SLC11A2: variants seen among roughly 807,000 people sequenced by gnomAD.
The protein encoded by SLC11A2 is solute carrier family 11 member 2.
A neutral mutation model predicts 68.0 loss-of-function variants in SLC11A2; 38 were observed. The ratio of observed to expected loss-of-function variants is 0.56; its 90% CI spans 0.43 to 0.73. The LOEUF (loss-of-function observed/expected upper bound fraction) is 0.73, where lower values mean the gene tolerates loss of function less well. Ranked by LOEUF, SLC11A2 falls within the 30% of genes least tolerant of loss-of-function variation. The probability of loss-of-function intolerance (pLI) is 0.00; values close to 1 mark genes in which losing one functional copy is unlikely to be tolerated. For synonymous variants in SLC11A2, 242 were observed against 250.6 expected, an observed-to-expected ratio of 0.97 and a Z score of 0.32; for missense variants, 517 against 690.5, an observed-to-expected ratio of 0.75 and a Z score of 2.82.
chr12:51,019,894 C>G (rs1282930506), intron 1 of SLC11A2, among the ~76,000 whole-genome samples: 1 of 152,032 alleles, frequency 6.6e-6, no homozygotes, highest in Non-Finnish European at 1.5e-5. Flanking sequence ...ATCCATCCAC[C>G]TCAGCCTTCC....
At chr12:50,965,847 T>C in the SLC11A2 span, among the ~76,000 whole-genome samples, 1 of 152,210 alleles carries the variant, frequency 6.6e-6, no homozygotes, top group Non-Finnish European at 1.5e-5. Flanking sequence ...GAACATGGTC[T>C]TTCCTTAAGG....
chr12:51,027,916 G>A (rs893005884), upstream of SLC11A2, among the ~76,000 whole-genome samples: 1 of 4,978 alleles, frequency 2.0e-4, no homozygotes, highest in East Asian at 5.4e-3. Flanking sequence ...CCAAAAAAAA[G>A]TGGGGGGGGG....
intron 3 of SLC11A2, 179 bp downstream of exon 3, chr12:51,008,297 G>T: frequency 1.8e-6 from 1 of 567,684 alleles, no homozygotes; most frequent in South Asian, 1.9e-5. Context: ...GATAGATATA[G>T]ATGGGGTGTG....
chr12:50,972,932 C>T, the SLC11A2 span, among the ~76,000 whole-genome samples: 10 of 152,312 alleles, frequency 6.6e-5, no homozygotes, highest in South Asian at 2.1e-4. Flanking sequence ...AACGTGGCAG[C>T]GAGGCTGGGG....
At chr12:51,010,806 CA>C in intron 1 of SLC11A2, 40 bp from the exon 2 acceptor site, 1 of 1,151,374 alleles carries the variant, frequency 8.7e-7, no homozygotes, top group Non-Finnish European at 1.3e-6. Context: ...TTAGGAAGAA[CA>C]AACTAACAAG....
At chr12:51,006,280 CAA>C (rs1299147533) in intron 3 of SLC11A2, 1 of 155,988 alleles carries the variant, frequency 6.4e-6, no homozygotes, top group Non-Finnish European at 1.4e-5. Flanking sequence ...GCCTGGGCGA[CAA>C]GAGTGAAACT....
Position 50,991,682 on chromosome 12 carries a change from A to C in SLC11A2, c.1348-10T>G. On this transcript the variant is annotated splice_polypyrimidine_tract_variant and intron_variant, in intron 13 of 15. Transcript: ENST00000262052. ...TGAGAGCAAAGGGAAGCTGGAAAAGAAAGAAGATCAGATGGGATTACTATG... is the reference window on the plus strand; with the variant it reads ...TGAGAGCAAAGGGAAGCTGGAAAAGCAAGAAGATCAGATGGGATTACTATG... The C allele has an allele frequency of 6.2e-7, 1 of 1,611,126 alleles. No homozygotes were observed. Among genetic ancestry groups the C allele is most frequent in the Non-Finnish European group, 8.5e-7 (1 of 1,177,810 alleles).
the SLC11A2 span, chr12:50,960,863 A>C: frequency 1.1e-6 from 1 of 890,614 alleles, no homozygotes; most frequent in Non-Finnish European, 1.6e-6. Context: ...TTTTTTTTTT[A>C]GAGATGGGGT....
chr12:51,014,412 G>A (rs974429177), intron 1 of SLC11A2, among the ~76,000 whole-genome samples: 3 of 152,090 alleles, frequency 2.0e-5, no homozygotes, highest in African/African-American at 2.4e-5. Context: ...ATACAGAGCC[G>A]TTCAAATACA....
downstream of SLC11A2, among the ~76,000 whole-genome samples, chr12:50,975,228 A>G (rs1176501240): frequency 1.3e-5 from 2 of 152,218 alleles, no homozygotes; most frequent in African/African-American, 4.8e-5. Flanking sequence ...AAAATTGGCC[A>G]CATAGTTGGA....
At chr12:51,010,054 G>T (rs1294966390) in intron 2 of SLC11A2, among the ~76,000 whole-genome samples, 1 of 151,710 alleles carries the variant, frequency 6.6e-6, no homozygotes, top group Non-Finnish European at 1.5e-5. Flanking sequence ...CGTGGCGGCA[G>T]GTGCCTGTAA....
intron 13 of SLC11A2, 38 bp downstream of exon 13, chr12:50,992,152 T>C: frequency 6.2e-7 from 1 of 1,610,226 alleles, no homozygotes; most frequent in Non-Finnish European, 8.5e-7. Context: ...TAATGCTACC[T>C]GAATAACTAG....
the SLC11A2 span, among the ~76,000 whole-genome samples, chr12:50,959,416 G>C: frequency 1.3e-5 from 2 of 152,040 alleles, no homozygotes; most frequent in African/African-American, 2.4e-5. Context: ...CACTGTGCCC[G>C]GCCCCATATC....
At chr12:50,994,996 G>A (rs1438054836) in intron 10 of SLC11A2, 3 of 309,386 alleles carry the variant, frequency 9.7e-6, no homozygotes, top group African/African-American at 4.4e-5. Context: ...TTCCATAGAC[G>A]GGAAACAAAT....
intron 5 of SLC11A2, among the ~76,000 whole-genome samples, chr12:51,003,911 C>T (rs1431419361): frequency 6.6e-6 from 1 of 151,732 alleles, no homozygotes; most frequent in Non-Finnish European, 1.5e-5. Context: ...CTGCACTCCA[C>T]CATGGGTGAC....
intron 5 of SLC11A2, among the ~76,000 whole-genome samples, chr12:51,001,844 C>T (rs1334814589): frequency 1.3e-5 from 2 of 151,980 alleles, no homozygotes; most frequent in African/African-American, 4.8e-5. Flanking sequence ...CTCAACAAAC[C>T]ACCACCACAA....
downstream of SLC11A2, among the ~76,000 whole-genome samples, chr12:50,975,594 A>C (rs1939837702): frequency 6.6e-6 from 1 of 152,176 alleles, no homozygotes; most frequent in African/African-American, 2.4e-5. Flanking sequence ...GAGAAGCAAG[A>C]GCAAACACAT....
chr12:50,957,385 G>C, the SLC11A2 span, among the ~76,000 whole-genome samples: 1 of 151,368 alleles, frequency 6.6e-6, no homozygotes, highest in African/African-American at 2.4e-5. Flanking sequence ...TTTTAGTAGA[G>C]ACAGGGTTTT....
chr12:51,013,289 C>A (rs1272636501), intron 1 of SLC11A2, among the ~76,000 whole-genome samples: 1 of 130,988 alleles, frequency 7.6e-6, no homozygotes, highest in Non-Finnish European at 1.6e-5. Context: ...AATTAAATTG[C>A]TTTTTTTTTT....
Sources: gnomAD v4.1 joint callset for allele counts (sites outside exome capture counted in the v4.1 genomes callset) on GRCh38, gnomAD v4.1.1 for gene constraint, MANE v1.5 for transcripts, NCBI Gene and HGNC (gene_info 2026-07-23, HGNC 2026-07-21) for gene names.